SPPL3: variants seen among roughly 807,000 people sequenced by gnomAD.
SPPL3 encodes the protein signal peptide peptidase like 3.
Under a neutral mutation model 42.4 loss-of-function variants are expected in SPPL3, and 5 were observed. That is an observed-to-expected ratio of 0.12 (90% confidence interval 0.06 to 0.25). The LOEUF is 0.25. Among genes scored for constraint, SPPL3 ranks in the 10% least tolerant of loss-of-function variants. The pLI is 1.00. For missense variants in SPPL3, 235 were observed against 489.0 expected (o/e 0.48, Z 4.90); for synonymous variants, 195 against 181.8 (o/e 1.07, Z -0.58).
chr12:120,777,632 T>C (rs1869371123), intron 6 of SPPL3, among the ~76,000 whole-genome samples: 1 of 152,218 alleles, frequency 6.6e-6, no homozygotes, highest in Non-Finnish European at 1.5e-5. Context: ...CTTGCTGTAT[T>C]ACTTTGAATG....
intron 1 of SPPL3, among the ~76,000 whole-genome samples, chr12:120,850,608 A>G (rs1472796582): frequency 6.6e-6 from 1 of 151,968 alleles, no homozygotes; most frequent in South Asian, 2.1e-4. Context: ...TTTTTCAAAC[A>G]CTTTCCCTTT....
chr12:120,777,248 T>C (rs186426439), intron 6 of SPPL3, among the ~76,000 whole-genome samples: 4 of 152,326 alleles, frequency 2.6e-5, no homozygotes, highest in East Asian at 1.9e-4. Context: ...AGGAAGCCAC[T>C]GGACTAGGTA....
At chr12:120,804,539 T>TA (rs1306955895) in intron 2 of SPPL3, among the ~76,000 whole-genome samples, 3 of 152,112 alleles carry the variant, frequency 2.0e-5, no homozygotes, top group Non-Finnish European at 2.9e-5. Context: ...TATAATGAGA[T>TA]ACCACTTCAT....
chr12:120,768,694 G>A (rs1393300051), intron 7 of SPPL3: 6 of 668,300 alleles, frequency 9.0e-6, no homozygotes, highest in Non-Finnish European at 1.5e-5. Context: ...CCCTGACGGG[G>A]TGGCCCCCAC....
chr12:120,795,315 G>C (rs1420738383), intron 2 of SPPL3, among the ~76,000 whole-genome samples: 1 of 152,180 alleles, frequency 6.6e-6, no homozygotes, highest in Non-Finnish European at 1.5e-5. Flanking sequence ...CATTTCTGGT[G>C]ATCTTAACTC....
In SPPL3 at chr12:120,767,469, G is replaced by A; in HGVS notation, c.898C>T (p.Pro300Ser). Residue 300 changes from proline to serine, a missense_variant, in exon 9 of 11, where the codon CCT (proline) becomes TCT (serine). Coordinates refer to ENST00000353487, the MANE Select transcript of SPPL3 (RefSeq NM_139015.5). ...CGCCCGGAGATGTTGGCAGGTCCAG[G>A]GGCCCCACAGGAGTCCCCACTGGCT... Reference protein sequence around the residue: ...KQASGDSCGAPGPANISGRMQ... With the variant: ...KQASGDSCGASGPANISGRMQ... 1 of 1,614,136 alleles carries A rather than the reference G, an allele frequency of 6.2e-7. No individual in the cohort carries two copies. Among genetic ancestry groups the A allele is most frequent in the East Asian group, 2.2e-5 (1 of 44,890 alleles).
chr12:120,883,751 T>C (rs1873362579), intron 1 of SPPL3, among the ~76,000 whole-genome samples: 1 of 152,206 alleles, frequency 6.6e-6, no homozygotes, highest in South Asian at 2.1e-4. Context: ...ATATATGTCA[T>C]CTTTATAAAC....
chr12:120,811,163 A>T (rs1870670936), intron 1 of SPPL3: 1 of 245,792 alleles, frequency 4.1e-6, no homozygotes, highest in Admixed American at 5.5e-5. Context: ...TGTTTACAAC[A>T]TCCACCCCCA....
chr12:120,842,830 C>T (rs552399182), intron 1 of SPPL3, among the ~76,000 whole-genome samples: 8 of 152,166 alleles, frequency 5.3e-5, no homozygotes, highest in Middle Eastern at 6.8e-3. Context: ...GGAGGGGACA[C>T]ATTCAGACCA....
intron 2 of SPPL3, among the ~76,000 whole-genome samples, chr12:120,799,963 T>C (rs1723582545): frequency 6.6e-6 from 1 of 152,144 alleles, no homozygotes; most frequent in African/African-American, 2.4e-5. Flanking sequence ...AGGACTATTT[T>C]CAATTATAGG....
intron 2 of SPPL3, among the ~76,000 whole-genome samples, chr12:120,797,075 C>G (rs1217301957): frequency 6.6e-6 from 1 of 152,034 alleles, no homozygotes; most frequent in Non-Finnish European, 1.5e-5. Flanking sequence ...GAGGCTGAGG[C>G]AGAATTTCTT....
At chr12:120,860,764 C>A (rs534368727) in intron 1 of SPPL3, among the ~76,000 whole-genome samples, 3 of 152,074 alleles carry the variant, frequency 2.0e-5, no homozygotes, top group Non-Finnish European at 2.9e-5. Flanking sequence ...AAGTAGAAGG[C>A]GGCAAACTTT....
At chr12:120,888,087 G>GT (rs1286511860) in intron 1 of SPPL3, among the ~76,000 whole-genome samples, 2 of 151,972 alleles carry the variant, frequency 1.3e-5, no homozygotes, top group Non-Finnish European at 2.9e-5. Context: ...ACTATTTTTG[G>GT]TTTTTTTAGA....
At chr12:120,780,752 AC>A (rs77788136) in intron 6 of SPPL3, among the ~76,000 whole-genome samples, 70,355 of 147,118 alleles carry the variant, frequency 0.48, 17,127 homozygotes, top group Admixed American at 0.59. Flanking sequence ...AAAAAAAAAA[AC>A]AAAACAAAAA....
chr12:120,867,988 C>T (rs1372239084), intron 1 of SPPL3, among the ~76,000 whole-genome samples: 1 of 152,136 alleles, frequency 6.6e-6, no homozygotes, highest in Non-Finnish European at 1.5e-5. Context: ...CTCAAGTGAA[C>T]CGCATGCCTT....
chr12:120,829,363 C>T (rs1046493278), intron 1 of SPPL3, among the ~76,000 whole-genome samples: 7 of 151,740 alleles, frequency 4.6e-5, no homozygotes, highest in Admixed American at 3.3e-4. Context: ...TGGGAGGCCA[C>T]GGCAGGCGGA....
intron 1 of SPPL3, among the ~76,000 whole-genome samples, chr12:120,872,273 G>T (rs1425758945): frequency 6.6e-6 from 1 of 152,180 alleles, no homozygotes; most frequent in Non-Finnish European, 1.5e-5. Flanking sequence ...ACATGAAGTT[G>T]TAACTGCTAC....
rs372571980 is a variant in SPPL3 at position 120,782,610 on chromosome 12, A to G, written c.502+45T>C. On this transcript the variant is annotated intron_variant, in intron 6 of 10. Transcript: ENST00000353487. Reference sequence around the variant, plus strand: ...GTGAATATCCTAAAGTATCTATAAAACTCTATAAAGTAAAATTACAATTTG... The same window carrying G: ...GTGAATATCCTAAAGTATCTATAAAGCTCTATAAAGTAAAATTACAATTTG... The G allele has an allele frequency of 9.3e-6, 13 of 1,405,112 alleles. No homozygotes were observed. In the African/African-American group the frequency reaches 1.6e-4, roughly 17 times the overall value. 87.0% of individuals were successfully genotyped at this position (1,405,112 alleles called of 1,614,324 possible). A position where few individuals can be genotyped will look rare whatever the true frequency, so the allele number is the denominator to read the frequency against.
chr12:120,802,156 C>G (rs1870317168), intron 2 of SPPL3, among the ~76,000 whole-genome samples: 3 of 151,920 alleles, frequency 2.0e-5, no homozygotes, highest in Non-Finnish European at 4.4e-5. Flanking sequence ...GAGGAAGATT[C>G]TAGGCCTGCC....
Sources: allele counts gnomAD v4.1 joint callset (sites outside exome capture counted in the v4.1 genomes callset), GRCh38; gene constraint gnomAD v4.1.1; transcripts MANE v1.5; gene names NCBI Gene and HGNC (gene_info 2026-07-23, HGNC 2026-07-21).